The following PCCB variants were observed in gnomAD, a reference collection of about 807,000 sequenced individuals.
PCCB encodes propionyl-CoA carboxylase subunit beta.
In PCCB, 43 loss-of-function variants were observed where a neutral mutation model predicts 60.7. The ratio of observed to expected loss-of-function variants is 0.71; its 90% CI spans 0.55 to 0.91. The LOEUF is 0.91. PCCB is among the 40% of genes least tolerant of loss of function. The pLI is 0.00. For missense variants in PCCB, 766 were observed against 702.8 expected (o/e 1.09, Z -1.02); for synonymous variants, 276 against 255.9 (o/e 1.08, Z -0.75).
intron 9 of PCCB, among the ~76,000 whole-genome samples, chr3:136,310,937 A>G (rs970938471): frequency 6.6e-6 from 1 of 152,180 alleles, no homozygotes; most frequent in Non-Finnish European, 1.5e-5. Context: ...TCTTAATGTA[A>G]TAAAATTTGG....
intron 12 of PCCB, 96 bp downstream of exon 12, chr3:136,327,351 G>A: frequency 2.2e-6 from 2 of 904,508 alleles, no homozygotes; most frequent in Non-Finnish European, 3.7e-6. Context: ...GCTGGAAGGA[G>A]TACACCTTGC....
chr3:136,281,046 C>G (rs374225360), intron 5 of PCCB, among the ~76,000 whole-genome samples: 1 of 152,142 alleles, frequency 6.6e-6, no homozygotes, highest in African/African-American at 2.4e-5. Context: ...TTCTATCTTG[C>G]TGCTTTCAAG....
chr3:136,292,022 G>A (rs766623862), intron 6 of PCCB, among the ~76,000 whole-genome samples: 5 of 152,136 alleles, frequency 3.3e-5, no homozygotes, highest in Non-Finnish European at 4.4e-5. Flanking sequence ...TGTGCTTGTG[G>A]GTTTCTGCCC....
chr3:136,250,624 C>T (rs2108128373), intron 1 of PCCB, 66 bp downstream of exon 1: 1 of 1,490,792 alleles, frequency 6.7e-7, no homozygotes. Flanking sequence ...GCGTGCCCGG[C>T]TTGCGGCGTC....
rs761529521 is a variant in PCCB, at chr3:136,326,844, G to C, written c.1132G>C (p.Val378Leu). The change falls in exon 11 of 15, where the codon GTC becomes CTC. Residue 378 changes from valine (V) to leucine (L), a missense_variant. Val to Leu is a conservative substitution (Grantham distance 32, BLOSUM62 1). Transcript: ENST00000251654. ...TTCATCTGTGAAAGGGGCTCGTTTT[G>C]TCAGATTCTGTGATGCATTCAATAT... ...INSSVKGARF[V>L]RFCDAFNIPL... is the part of the protein sequence containing the mutation. 1.2e-6 allele frequency: 2 copies of C among 1,613,190 alleles called. No homozygotes were observed. The highest frequency in any genetic ancestry group is 1.7e-6 in the Non-Finnish European group (2 of 1,179,132).
intron 3 of PCCB, chr3:136,259,265 GA>G (rs1215400227): frequency 1.0e-5 from 7 of 679,194 alleles, no homozygotes; most frequent in Non-Finnish European, 1.1e-5. Context: ...CCAGGAGTTT[GA>G]AACTGGCCTA....
At position 136,326,819 on chromosome 3, in the gene PCCB, T is replaced by C. The variant is rs1025062139; in HGVS notation, c.1107T>C (p.Asn369=). 2.1e-5 allele frequency: 34 copies of C among 1,606,014 alleles called. No homozygotes were observed. Among genetic ancestry groups the C allele is most frequent in the Non-Finnish European group, 2.9e-5 (34 of 1,172,642 alleles). ...TCTTTCTAGGATGCTTGGATATTAA[T>C]TCATCTGTGAAAGGGGCTCGTTTTG... ...PKVASGCLDI[N]SSVKGARFVR... is the part of the protein sequence containing the mutation. Residue 369 remains asparagine, a synonymous_variant, in exon 11 of 15, where the codon AAT becomes AAC. Coordinates refer to ENST00000251654, the MANE Select transcript of PCCB (RefSeq NM_000532.5).
At chr3:136,293,462 C>T (rs898373707) in intron 6 of PCCB, among the ~76,000 whole-genome samples, 9 of 152,206 alleles carry the variant, frequency 5.9e-5, no homozygotes, top group African/African-American at 2.2e-4. Flanking sequence ...GCACAGCAAG[C>T]TCTGAGTAAG....
chr3:136,260,198 C>T (rs541478039), intron 3 of PCCB: 76 of 480,052 alleles, frequency 1.6e-4, no homozygotes, highest in Non-Finnish European at 2.4e-4. Context: ...CTCAGCCTCC[C>T]GAGTAGCTGG....
At chr3:136,299,065 C>A (rs1934071466) in intron 8 of PCCB, among the ~76,000 whole-genome samples, 1 of 152,054 alleles carries the variant, frequency 6.6e-6, no homozygotes. Flanking sequence ...TCTGAGTATA[C>A]AGTTTGGAGT....
In PCCB at chr3:136,329,606, C is replaced by A. The variant is rs548615109; in HGVS notation, c.1499-299C>A. Among the ~76,000 whole-genome samples the A allele has an allele frequency of 3.3e-5, 5 of 152,228 alleles. No homozygotes were observed. In the South Asian group the frequency reaches 6.2e-4, roughly 19 times the overall value. On this transcript the variant is annotated intron_variant, in intron 14 of 14. Transcript: ENST00000251654. Reference sequence around the variant, plus strand: ...ATTTTTGAAAACCTAGATGTATTTTCTTTATTTCCTATTGAATTCATTGTG... The same window carrying A: ...ATTTTTGAAAACCTAGATGTATTTTATTTATTTCCTATTGAATTCATTGTG...
chr3:136,257,033 A>G (rs936268588), intron 3 of PCCB, among the ~76,000 whole-genome samples: 1 of 152,192 alleles, frequency 6.6e-6, no homozygotes, highest in African/African-American at 2.4e-5. Flanking sequence ...TTGGGCTTTC[A>G]TGAATATGTT....
At position 136,303,278 on chromosome 3, in the gene PCCB, T is replaced by C. The variant is rs1366406119; in HGVS notation, c.966+2167T>C. Reference sequence around the variant, plus strand: ...TCCTAATTTATATCTTTTTTCATGTTGAAGCTACTACTGGCTTCTGTTTTA... The same window carrying C: ...TCCTAATTTATATCTTTTTTCATGTCGAAGCTACTACTGGCTTCTGTTTTA... On this transcript the variant is annotated intron_variant, in intron 9 of 14. Transcript: ENST00000251654. Among the ~76,000 whole-genome samples, 5 of 122,556 alleles carry C rather than the reference T, an allele frequency of 4.1e-5. 1 individual carries two copies. The highest frequency in any genetic ancestry group is 7.3e-5 in the Non-Finnish European group (4 of 54,996). The allele number at this position is 122,556 out of a possible 152,430, so 80.4% of individuals were successfully genotyped here. A position where few individuals can be genotyped will look rare whatever the true frequency, so the allele number is the denominator to read the frequency against.
intron 5 of PCCB, among the ~76,000 whole-genome samples, chr3:136,281,002 T>G (rs1329937541): frequency 6.6e-6 from 1 of 152,224 alleles, no homozygotes; most frequent in Non-Finnish European, 1.5e-5. Context: ...CCATGGTTAA[T>G]CTTGCTGAGG....
rs1212760431 is a variant in PCCB, at chr3:136,300,111, T to C, written c.885-919T>C. ...ATATCTACACATATACATACATGCA[T>C]ATCTACACGTGTATATATGTATATC... is the stretch of plus-strand genomic sequence containing the variant. On this transcript the variant is annotated intron_variant, in intron 8 of 14. Transcript: ENST00000251654. Among the ~76,000 whole-genome samples the C allele has an allele frequency of 3.3e-5, 5 of 151,834 alleles. 1 individual carries two copies. The highest frequency in any genetic ancestry group is 7.4e-5 in the Non-Finnish European group (5 of 67,894).
intron 5 of PCCB, among the ~76,000 whole-genome samples, chr3:136,268,087 GATATATATATATATATATA>G (rs1942066961): frequency 2.2e-3 from 202 of 93,792 alleles, no homozygotes; most frequent in Middle Eastern, 4.9e-3. Context: ...TGTGTGTGTA[GATATATATATATATATATA>G]TATATATATA....
chr3:136,308,608 G>T (rs889840826), intron 9 of PCCB, among the ~76,000 whole-genome samples: 4 of 152,098 alleles, frequency 2.6e-5, no homozygotes, highest in Non-Finnish European at 5.9e-5. Context: ...ATTTCTTTTG[G>T]ACTTTACACC....
At chr3:136,295,763 T>A (rs1933903334) in intron 7 of PCCB, among the ~76,000 whole-genome samples, 1 of 152,206 alleles carries the variant, frequency 6.6e-6, no homozygotes, top group South Asian at 2.1e-4. Flanking sequence ...TGCAGTCTTT[T>A]CACGCACATG....
intron 11 of PCCB, 108 bp from the exon 12 acceptor site, chr3:136,327,047 T>A: frequency 8.6e-7 from 1 of 1,161,000 alleles, no homozygotes; most frequent in Non-Finnish European, 1.3e-6. Context: ...AAGATAGGGC[T>A]GTGTAAGGAA....
Sources: gnomAD v4.1 joint callset for allele counts (sites outside exome capture counted in the v4.1 genomes callset) on GRCh38, gnomAD v4.1.1 for gene constraint, MANE v1.5 for transcripts, NCBI Gene and HGNC (gene_info 2026-07-23, HGNC 2026-07-21) for gene names.